The following FAM149A variants were observed in gnomAD, a reference collection of about 807,000 sequenced individuals.
FAM149A encodes the protein protein FAM149A.
In FAM149A, 71 loss-of-function variants were observed where a neutral mutation model predicts 78.2. That is an observed-to-expected ratio of 0.91 (90% CI 0.75 to 1.11). FAM149A has a LOEUF of 1.11. Ranked by LOEUF, FAM149A falls within the 50% of genes least tolerant of loss-of-function variation. The pLI, the probability that FAM149A is intolerant of heterozygous loss-of-function variation, is 0.00. For missense variants in FAM149A, 1,036 were observed against 971.0 expected (o/e 1.07, Z -0.89); for synonymous variants, 446 against 410.5 (o/e 1.09, Z -1.04).
chr4:186,132,820 A>G (rs1268078391), intron 1 of FAM149A: 4 of 215,520 alleles, frequency 1.9e-5, no homozygotes, highest in Non-Finnish European at 3.2e-5. Context: ...AGTTTCTTGC[A>G]TGACTCAACT....
rs756655651 is a variant in FAM149A, at chr4:186,157,640, C to T, written c.1496C>T (p.Ala499Val). Residue 499 changes from alanine (A) to valine (V), a missense_variant, in exon 8 of 14, where the codon GCC (alanine) becomes GTC (valine). This residue lies in a region of FAM149A where 716 missense variants were observed against 711.8 expected (regional missense o/e 1.01). Transcript: ENST00000389354. ...CACGTCCTCGTTCCACACGCTCACG[C>T]CGATGGAGCCAGTGGCCCCCCGTCC... 1 of 1,614,140 alleles carries T rather than the reference C, an allele frequency of 6.2e-7. No individual in the cohort carries two copies. The highest frequency in any genetic ancestry group is 1.7e-5 in the Admixed American group (1 of 60,036).
Position 186,151,950 on chromosome 4 carries a change from G to A in FAM149A, c.837G>A (p.Glu279=). The change falls in exon 4 of 14, where the codon GAG becomes GAA. Residue 279 remains glutamate (E), a synonymous_variant. Transcript: ENST00000389354. Reference sequence around the variant, plus strand: ...AGTCAGTGCAGCGGTTACTCTGGGAGGTGGAGGAAATGTTATTTGAAGGGA... The same window carrying A: ...AGTCAGTGCAGCGGTTACTCTGGGAAGTGGAGGAAATGTTATTTGAAGGGA... The A allele has an allele frequency of 6.2e-7, 1 of 1,614,170 alleles. No individual in the cohort carries two copies. The highest frequency in any genetic ancestry group is 2.2e-5 in the East Asian group (1 of 44,884).
intron 1 of FAM149A, chr4:186,126,871 CA>C (rs1184737256): frequency 1.0e-6 from 1 of 984,412 alleles, no homozygotes; most frequent in African/African-American, 1.7e-5. Context: ...AACCCCAATA[CA>C]GGGGGAGGAA....
In FAM149A at chr4:186,167,249, A is replaced by C. The variant is rs1465313541; in HGVS notation, c.2205A>C (p.Gln735His). The change falls in exon 13 of 14, where the codon CAA becomes CAC. Residue 735 changes from glutamine to histidine, a missense_variant. Physicochemically the swap from Gln to His is conservative, Grantham distance 24 (BLOSUM62 0). Transcript: ENST00000389354. ...TTGCTGCTCACACATGGACAGGTCA[A>C]AGTATTTTGACAGGTCAGCTTTTCT... 3 of 1,613,258 alleles carry C rather than the reference A, an allele frequency of 1.9e-6. No homozygotes were observed. Among genetic ancestry groups the C allele is most frequent in the Non-Finnish European group, 1.7e-6 (2 of 1,179,164 alleles).
chr4:186,140,958 C>T (rs1036460779), intron 1 of FAM149A, among the ~76,000 whole-genome samples: 5 of 152,292 alleles, frequency 3.3e-5, no homozygotes, highest in East Asian at 3.9e-4. Context: ...GGTGAATGGC[C>T]AAGTTGGAGA....
intron 13 of FAM149A, among the ~76,000 whole-genome samples, chr4:186,167,901 T>A (rs1735197743): frequency 6.6e-6 from 1 of 152,122 alleles, no homozygotes; most frequent in East Asian, 1.9e-4. Flanking sequence ...GGCCCTCAGC[T>A]TCCTCTTTTA....
rs1271950595 is a variant in FAM149A at position 186,165,421 on chromosome 4, CCAGG to C, written c.1968_1971del (p.Arg657GlyfsTer24). Reference sequence around the variant, plus strand: ...AGGTTCCCCCCGCTAGTCACGGAGACCAGGGGGCAGAATACAGCAGTTCCTGGAT... The same window carrying C: ...AGGTTCCCCCCGCTAGTCACGGAGACGGGCAGAATACAGCAGTTCCTGGAT... On this transcript the variant is annotated frameshift_variant, in exon 11 of 14. Coordinates refer to ENST00000389354, the MANE Select transcript of FAM149A (RefSeq NM_001367768.3). LOFTEE classifies it high-confidence loss of function. The C allele has an allele frequency of 6.2e-7, 1 of 1,614,082 alleles. No individual in the cohort carries two copies.
intron 1 of FAM149A, among the ~76,000 whole-genome samples, chr4:186,106,358 A>C (rs1258506969): frequency 6.6e-6 from 1 of 152,174 alleles, no homozygotes; most frequent in Non-Finnish European, 1.5e-5. Flanking sequence ...TGATAAAAAC[A>C]TTGCTCTTTT....
rs1246725709 is a variant in FAM149A, at chr4:186,111,570, G to T, written c.566+5928G>T. 1.3e-4 allele frequency among the ~76,000 whole-genome samples: 20 copies of T among 151,856 alleles called. No homozygotes were observed. In the East Asian group the frequency reaches 3.9e-3, roughly 29 times the overall value. On this transcript the variant is annotated intron_variant, in intron 1 of 13. Transcript: ENST00000389354. ...TTTAATCCATCTTGAATTGATTTTTGTATAAGGTGTAAGGAAGGGATCCAC... is the reference window on the plus strand; with the variant it reads ...TTTAATCCATCTTGAATTGATTTTTTTATAAGGTGTAAGGAAGGGATCCAC...
chr4:186,163,510 A>C lies in FAM149A; in HGVS notation c.1766A>C (p.His589Pro). Residue 589 changes from histidine (H) to proline (P), a missense_variant, in exon 10 of 14, where the codon CAT (histidine) becomes CCT (proline). Coordinates refer to ENST00000389354, the MANE Select transcript of FAM149A (RefSeq NM_001367768.3). ...AGACTGGGACGGGCCTCAGACACTCATGGATTATCACCTTCTGCAAAGAAA... is the reference window on the plus strand; with the variant it reads ...AGACTGGGACGGGCCTCAGACACTCCTGGATTATCACCTTCTGCAAAGAAA... 1 of 1,614,156 alleles carries C rather than the reference A, an allele frequency of 6.2e-7. No homozygotes were observed. Among genetic ancestry groups the C allele is most frequent in the Non-Finnish European group, 8.5e-7 (1 of 1,180,016 alleles).
At chr4:186,169,861 C>T in intron 13 of FAM149A, 1 of 985,426 alleles carries the variant, frequency 1.0e-6, no homozygotes, top group South Asian at 4.7e-5. Flanking sequence ...ACTACTGACC[C>T]AAGACAAAAG....
Position 186,144,429 on chromosome 4 carries a change from A to T in FAM149A, c.567-4744A>T, listed in dbSNP as rs2126427230. The T allele has an allele frequency of 6.6e-6, 1 of 152,476 alleles. No homozygotes were observed. Among genetic ancestry groups the T allele is most frequent in the African/African-American group, 2.4e-5 (1 of 41,566 alleles). 9.4% of individuals were successfully genotyped at this position (152,476 alleles called of 1,614,324 possible). A position where few individuals can be genotyped will look rare whatever the true frequency, so the allele number is the denominator to read the frequency against. The stretch of plus-strand genomic sequence containing the variant: ...GAGTAATGGTTCTCGCATTGACCAG[A>T]TCCGGGGCTTCATTTTTTAAACCTC... On this transcript the variant is annotated intron_variant, in intron 1 of 13. Coordinates refer to ENST00000389354, the MANE Select transcript of FAM149A (RefSeq NM_001367768.3). This position sits in a 1 kb window ranked among gnomAD's most constrained non-coding sequence, Gnocchi z 4.2.
chr4:186,105,182 G>A lies in FAM149A; in HGVS notation c.106G>A (p.Ala36Thr). The stretch of plus-strand genomic sequence containing the variant: ...CTCCAGACCCTCGGGAGGTGCTGCC[G>A]CTGCAGGGTCGGGGGGCTCCAGGGC... Residue 36 changes from alanine (A) to threonine (T), a missense_variant, in exon 1 of 14, where the codon GCT becomes ACT. Transcript: ENST00000389354. 1 of 1,275,046 alleles carries A rather than the reference G, an allele frequency of 7.8e-7. No individual in the cohort carries two copies. The highest frequency in any genetic ancestry group is 1.6e-5 in the African/African-American group (1 of 63,356). The allele number at this position is 1,275,046 out of a possible 1,614,324, so 79.0% of individuals were successfully genotyped here. A position where few individuals can be genotyped will look rare whatever the true frequency, so the allele number is the denominator to read the frequency against.
intron 1 of FAM149A, among the ~76,000 whole-genome samples, chr4:186,139,480 TTC>T (rs1481459992): frequency 6.6e-6 from 1 of 152,176 alleles, no homozygotes; most frequent in Non-Finnish European, 1.5e-5. Context: ...TGGGGGCTTC[TTC>T]ACCCTTTTGG....
chr4:186,129,854 G>A lies in FAM149A; in HGVS notation c.567-19319G>A, dbSNP rs191957970. Among the ~76,000 whole-genome samples, 163 of 152,260 alleles carry A rather than the reference G, an allele frequency of 1.1e-3. 2 individuals carry two copies. Among genetic ancestry groups the A allele is most frequent in the South Asian group, 4.1e-4 (2 of 4,828 alleles). ...GCATGTGCAAATATTCCAACTAAAA[G>A]GAAGCTGATGTATCTTGTATTAGAC... On this transcript the variant is annotated intron_variant, in intron 1 of 13. Transcript: ENST00000389354.
chr4:186,106,072 G>T (rs116670326), intron 1 of FAM149A, among the ~76,000 whole-genome samples: 2,100 of 152,298 alleles, frequency 0.014, 53 homozygotes, highest in African/African-American at 0.048. Flanking sequence ...CTTTCCTAAT[G>T]TCTAAGGACC....
chr4:186,149,402 A>T, intron 2 of FAM149A, 119 bp downstream of exon 2: 1 of 1,103,598 alleles, frequency 9.1e-7, no homozygotes, highest in Non-Finnish European at 1.2e-6. Context: ...TTTTTAACCT[A>T]GTGTAAACAT....
intron 1 of FAM149A, among the ~76,000 whole-genome samples, chr4:186,124,691 CTT>C (rs531597301): frequency 0.03 from 4,500 of 152,214 alleles, 250 homozygotes; most frequent in African/African-American, 0.1. Context: ...GGTTCCAAGT[CTT>C]TGCTATTGTG....
chr4:186,150,704 C>A (rs1214156271), intron 3 of FAM149A, among the ~76,000 whole-genome samples: 2 of 136,942 alleles, frequency 1.5e-5, no homozygotes, highest in African/African-American at 5.5e-5. Context: ...CAGGCGTGAG[C>A]CACCGCGTCC....
Sources: allele counts gnomAD v4.1 joint callset (sites outside exome capture counted in the v4.1 genomes callset), GRCh38; gene constraint gnomAD v4.1.1; regional missense constraint gnomAD v4.1.1; non-coding constraint Gnocchi (gnomAD v3.1); transcripts MANE v1.5; gene names NCBI Gene and HGNC (gene_info 2026-07-23, HGNC 2026-07-21).